Variants in LAMB3 observed in about 807,000 individuals in gnomAD.
LAMB3 encodes laminin subunit beta-3.
In LAMB3, 104 loss-of-function variants were observed where a neutral mutation model predicts 140.3. The observed-to-expected ratio is 0.74, with a 90% CI of 0.63 to 0.87. The LOEUF (loss-of-function observed/expected upper bound fraction) is 0.87. LAMB3 is among the 40% of genes least tolerant of loss of function. The pLI is 0.00. For missense variants in LAMB3, 1,531 were observed against 1,575.2 expected (o/e 0.97, Z 0.47); for synonymous variants, 592 against 602.9 (o/e 0.98, Z 0.26).
intron 6 of LAMB3, 104 bp from the exon 7 acceptor site, chr1:209,633,237 T>C (rs1240464104): frequency 2.4e-6 from 2 of 836,596 alleles, no homozygotes; most frequent in East Asian, 2.5e-5. Context: ...CTTGAAGTCC[T>C]TGTTACCTGG....
At chr1:209,633,652 G>A (rs1022132966) in intron 6 of LAMB3, among the ~76,000 whole-genome samples, 1 of 152,216 alleles carries the variant, frequency 6.6e-6, no homozygotes, top group Non-Finnish European at 1.5e-5. Context: ...CTTATCTGGT[G>A]TGTGAAGAAT....
Position 209,627,529 on chromosome 1 carries a change from C to T in LAMB3, c.1339G>A (p.Glu447Lys), listed in dbSNP as rs1296749548. 6.2e-7 allele frequency: 1 copy of T among 1,613,992 alleles called. No individual in the cohort carries two copies. Among genetic ancestry groups the T allele is most frequent in the Non-Finnish European group, 8.5e-7 (1 of 1,180,042 alleles). Residue 447 changes from glutamate (E) to lysine (K), a missense_variant, in exon 12 of 23, where the codon GAG becomes AAG. Glu to Lys is a moderately conservative substitution (Grantham distance 56). Coordinates refer to ENST00000356082, the MANE Select transcript of LAMB3 (RefSeq NM_000228.3). Reference protein sequence around the residue: ...GSRRDMPCDEESGRCLCLPNV... With the variant: ...GSRRDMPCDEKSGRCLCLPNV... ...GGCAGACAAAGGCAGCGCCCACTCTCCTCGTCACACGGCATGTCCCTCCGG... is the reference window on the plus strand; with the variant it reads ...GGCAGACAAAGGCAGCGCCCACTCTTCTCGTCACACGGCATGTCCCTCCGG...
At chr1:209,649,732 T>C (rs1419267823) in intron 3 of LAMB3, among the ~76,000 whole-genome samples, 1 of 152,250 alleles carries the variant, frequency 6.6e-6, no homozygotes, top group Non-Finnish European at 1.5e-5. Flanking sequence ...CTCAGAGAGA[T>C]AAGAGAGAAA....
rs1455527322 is a variant in LAMB3, at chr1:209,638,558, T to C, written c.274A>G (p.Met92Val). 1.9e-6 allele frequency: 3 copies of C among 1,612,632 alleles called. No individual in the cohort carries two copies. Among genetic ancestry groups the C allele is most frequent in the Non-Finnish European group, 2.5e-6 (3 of 1,178,730 alleles). Residue 92 changes from methionine to valine, a missense_variant, in exon 4 of 23, where the codon ATG (methionine) becomes GTG (valine). Coordinates refer to ENST00000356082, the MANE Select transcript of LAMB3 (RefSeq NM_000228.3). ...CCATTCTGTGACTGCCACCAGCGCA[T>C]GGGGCCGGAGGATGAAGCCACATTC... ...VENVASSSGP[M>V]RWWQSQNDVN...
At position 209,626,995 on chromosome 1, in the gene LAMB3, C is replaced by T; in HGVS notation, c.1486-17G>A. The T allele has an allele frequency of 6.4e-7, 1 of 1,556,384 alleles. No individual in the cohort carries two copies. Among genetic ancestry groups the T allele is most frequent in the Non-Finnish European group, 8.8e-7 (1 of 1,130,584 alleles). Reference sequence around the variant, plus strand: ...CCCTGTGAACTGCGTGGGGAGAGCACCGTCAGTGGACCCTGCCTCACAGCC... The same window carrying T: ...CCCTGTGAACTGCGTGGGGAGAGCATCGTCAGTGGACCCTGCCTCACAGCC... On this transcript the variant is annotated splice_polypyrimidine_tract_variant and intron_variant, in intron 12 of 22. Transcript: ENST00000356082.
intron 21 of LAMB3, 67 bp from the exon 22 acceptor site, chr1:209,616,691 G>A: frequency 6.7e-7 from 1 of 1,493,956 alleles, no homozygotes; most frequent in Non-Finnish European, 9.3e-7. Context: ...TGTGGCCAAA[G>A]CACTTGATAT....
At position 209,625,656 on chromosome 1, in the gene LAMB3, G is replaced by A. The variant is rs140478941; in HGVS notation, c.1968C>T (p.Leu656=). 45 of 1,614,062 alleles carry A rather than the reference G, an allele frequency of 2.8e-5. No individual in the cohort carries two copies. The highest frequency in any genetic ancestry group is 3.2e-5 in the Non-Finnish European group (38 of 1,180,060). ...CAGGGAAAGGGAATTACCTGAGGGAGAGGATGGCACTGGCCACCTGAGCCA... is the reference window on the plus strand; with the variant it reads ...CAGGGAAAGGGAATTACCTGAGGGAAAGGATGGCACTGGCCACCTGAGCCA... The part of the protein sequence containing the change: ...QEVAQVASAI[L]SLRRTLQGLQ... The change falls in exon 14 of 23, where the codon CTC becomes CTT. Residue 656 remains leucine, a synonymous_variant. Coordinates refer to ENST00000356082, the MANE Select transcript of LAMB3 (RefSeq NM_000228.3).
chr1:209,633,198 A>G, intron 6 of LAMB3, 65 bp from the exon 7 acceptor site: 3 of 1,221,378 alleles, frequency 2.5e-6, no homozygotes, highest in Non-Finnish European at 3.7e-6. Flanking sequence ...AGTTCAGAAG[A>G]AACCTTTCTT....
chr1:209,640,961 T>C (rs1458694021), intron 3 of LAMB3, among the ~76,000 whole-genome samples: 1 of 151,864 alleles, frequency 6.6e-6, no homozygotes, highest in Non-Finnish European at 1.5e-5. Flanking sequence ...CGGGCCCCTG[T>C]AGTCCCAGCT....
chr1:209,623,518 G>A lies in LAMB3; in HGVS notation c.2345C>T (p.Pro782Leu). ...LEMSSLPDLT[P>L]TFNKLCGNSR... Reference sequence around the variant, plus strand: ...GCCCCAAGTCACCTTGTTGAAGGTGGGTGTCAGGTCAGGCAACGAAGACAT... The same window carrying A: ...GCCCCAAGTCACCTTGTTGAAGGTGAGTGTCAGGTCAGGCAACGAAGACAT... Residue 782 changes from proline to leucine, a missense_variant, in exon 16 of 23, where the codon CCC (proline) becomes CTC (leucine). By Grantham distance (98) the Pro-to-Leu change is moderately conservative (BLOSUM62 -3). Transcript: ENST00000356082. The surrounding 1 kb of genome is among the most constrained non-coding windows in gnomAD (Gnocchi z 4.2). 3.7e-6 allele frequency: 6 copies of A among 1,614,138 alleles called. No homozygotes were observed. Among genetic ancestry groups the A allele is most frequent in the Non-Finnish European group, 5.1e-6 (6 of 1,179,984 alleles).
chr1:209,649,929 C>T (rs759123707), intron 3 of LAMB3, 35 bp downstream of exon 3: 1 of 1,613,282 alleles, frequency 6.2e-7, no homozygotes, highest in South Asian at 1.1e-5. Flanking sequence ...CCCCTCCCAT[C>T]CCGCCTTCCT....
chr1:209,623,129 A>AC lies in LAMB3; in HGVS notation c.2408dup (p.Glu804Ter). 6.2e-7 allele frequency: 1 copy of AC among 1,613,778 alleles called. No individual in the cohort carries two copies. Among genetic ancestry groups the AC allele is most frequent in the Non-Finnish European group, 8.5e-7 (1 of 1,179,646 alleles). On this transcript the variant is annotated frameshift_variant, in exon 17 of 23. Coordinates refer to ENST00000356082, the MANE Select transcript of LAMB3 (RefSeq NM_000228.3). LOFTEE classifies it high-confidence loss of function. The surrounding 1 kb of genome is among the most constrained non-coding windows in gnomAD (Gnocchi z 4.2). ...TGCCATTGTCTTGGGGACATAGCTC[A>AC]CCAGGGCATGATATTGGGGTGCAAG...
chr1:209,640,288 G>C (rs145084117), intron 3 of LAMB3, among the ~76,000 whole-genome samples: 1 of 152,162 alleles, frequency 6.6e-6, no homozygotes, highest in Non-Finnish European at 1.5e-5. Flanking sequence ...GGTGGCTCAC[G>C]CCTGTAATCC....
chr1:209,623,151 C>T lies in LAMB3; in HGVS notation c.2387G>A (p.Cys796Tyr), dbSNP rs370177518. 59 of 1,614,072 alleles carry T rather than the reference C, an allele frequency of 3.7e-5. No individual in the cohort carries two copies. The highest frequency in any genetic ancestry group is 4.5e-5 in the Non-Finnish European group (53 of 1,180,042). Reference sequence around the variant, plus strand: ...CTCACCAGGGCATGATATTGGGGTGCAAGCCATCTGCCTGGAGTTGCCACA... The same window carrying T: ...CTCACCAGGGCATGATATTGGGGTGTAAGCCATCTGCCTGGAGTTGCCACA... ...KLCGNSRQMA[C>Y]TPISCPGELC... Residue 796 changes from cysteine (C) to tyrosine (Y), a missense_variant, in exon 17 of 23, where the codon TGC becomes TAC. Cys to Tyr is a radical substitution (Grantham distance 194, BLOSUM62 -2). Coordinates refer to ENST00000356082, the MANE Select transcript of LAMB3 (RefSeq NM_000228.3). This position sits in a 1 kb window ranked among gnomAD's most constrained non-coding sequence, Gnocchi z 4.2.
Position 209,618,123 on chromosome 1 carries a change from C to T in LAMB3, c.2910-75G>A, listed in dbSNP as rs1666049019. 12 of 1,576,448 alleles carry T rather than the reference C, an allele frequency of 7.6e-6. No homozygotes were observed. In the Admixed American group the frequency reaches 1.7e-4, roughly 22 times the overall value. ...GAATCAATGTGTGGTTCGACTCACA[C>T]ACCAGTCCAAAAGAACACCCTTCCC... On this transcript the variant is annotated intron_variant, in intron 19 of 22. Coordinates refer to ENST00000356082, the MANE Select transcript of LAMB3 (RefSeq NM_000228.3).
At position 209,625,819 on chromosome 1, in the gene LAMB3, A is replaced by G; in HGVS notation, c.1805T>C (p.Leu602Pro). The change falls in exon 14 of 23, where the codon CTC (leucine) becomes CCC (proline). Residue 602 changes from leucine to proline, a missense_variant. Leu to Pro is a moderately conservative substitution (Grantham distance 98, BLOSUM62 -3). Coordinates refer to ENST00000356082, the MANE Select transcript of LAMB3 (RefSeq NM_000228.3). ...CCACAGGCTGGCGGTGGCATTGCGGAGTCTACCAAAGCGCAGGGCCTGCTC... is the reference window on the plus strand; with the variant it reads ...CCACAGGCTGGCGGTGGCATTGCGGGGTCTACCAAAGCGCAGGGCCTGCTC... The part of the protein sequence containing the change: ...LREQALRFGR[L>P]RNATASLWSG... 1 of 1,614,090 alleles carries G rather than the reference A, an allele frequency of 6.2e-7. No individual in the cohort carries two copies. The highest frequency in any genetic ancestry group is 8.5e-7 in the Non-Finnish European group (1 of 1,180,026).
chr1:209,641,082 CAA>C (rs61080331), intron 3 of LAMB3, among the ~76,000 whole-genome samples: 4,627 of 101,374 alleles, frequency 0.046, 156 homozygotes, highest in East Asian at 0.23. Context: ...GACTCTGTCT[CAA>C]AAAAAAAAAA....
rs774211551 is a variant in LAMB3 at position 209,637,893 on chromosome 1, C to A, written c.372+15G>T. 6.2e-7 allele frequency: 1 copy of A among 1,607,260 alleles called. No individual in the cohort carries two copies. Among genetic ancestry groups the A allele is most frequent in the Non-Finnish European group, 8.5e-7 (1 of 1,175,884 alleles). On this transcript the variant is annotated intron_variant, in intron 5 of 22. Coordinates refer to ENST00000356082, the MANE Select transcript of LAMB3 (RefSeq NM_000228.3). ...GAGCCCCTCTCCTATCCACTGCCACCCCCAGGAGGCACACCTGGAACTCCA... is the reference window on the plus strand; with the variant it reads ...GAGCCCCTCTCCTATCCACTGCCACACCCAGGAGGCACACCTGGAACTCCA...
chr1:209,618,506 G>C lies in LAMB3; in HGVS notation c.2855C>G (p.Thr952Ser). 6.2e-7 allele frequency: 1 copy of C among 1,614,258 alleles called. No individual in the cohort carries two copies. The highest frequency in any genetic ancestry group is 1.1e-5 in the South Asian group (1 of 91,084). The part of the protein sequence containing the change: ...LPNVDLVLSQ[T>S]KQDIARARRL... Reference sequence around the variant, plus strand: ...GCGGGCACGCGCAATGTCCTGCTTGGTCTGGGACAGCACCAAGTCCACGTT... The same window carrying C: ...GCGGGCACGCGCAATGTCCTGCTTGCTCTGGGACAGCACCAAGTCCACGTT... The change falls in exon 19 of 23, where the codon ACC becomes AGC. Residue 952 changes from threonine (T) to serine (S), a missense_variant. Physicochemically the swap from Thr to Ser is moderately conservative, Grantham distance 58. Coordinates refer to ENST00000356082, the MANE Select transcript of LAMB3 (RefSeq NM_000228.3).
Sources: allele counts gnomAD v4.1 joint callset (sites outside exome capture counted in the v4.1 genomes callset), GRCh38; gene constraint gnomAD v4.1.1; non-coding constraint Gnocchi (gnomAD v3.1); transcripts MANE v1.5; gene names NCBI Gene and HGNC (gene_info 2026-07-23, HGNC 2026-07-21).